DKC1: variants seen among roughly 807,000 people sequenced by gnomAD.
DKC1 encodes the protein H/ACA ribonucleoprotein complex subunit DKC1.
A neutral mutation model predicts 46.7 loss-of-function variants in DKC1; 4 were observed. The observed-to-expected ratio is 0.09, with a 90% CI of 0.04 to 0.20. The LOEUF (loss-of-function observed/expected upper bound fraction) is 0.20, where lower values mean the gene tolerates loss of function less well. DKC1 is among the 10% of genes least tolerant of loss of function. DKC1 has a pLI of 1.00. For synonymous variants in DKC1, 141 were observed against 142.4 expected, an observed-to-expected ratio of 0.99 and a Z score of 0.07; for missense variants, 171 against 404.2, an observed-to-expected ratio of 0.42 and a Z score of 4.95.
Position 154,775,276 on chromosome X carries a change from G to A in DKC1, c.1338+3G>A. The A allele has an allele frequency of 1.7e-6, 2 of 1,208,360 alleles. No individual in the cohort carries two copies. The highest frequency in any genetic ancestry group is 1.1e-6 in the Non-Finnish European group (1 of 892,676). ...CCGAAGCAGCAAAAACTGCGAAGGT[G>A]AGTGGCATGCTGTCCTCAGTTTGGA... On this transcript the variant is annotated splice_donor_region_variant and intron_variant, in intron 13 of 14. Coordinates refer to ENST00000369550, the MANE Select transcript of DKC1 (RefSeq NM_001363.5).
rs927316548 is a variant in DKC1 at position 154,766,167 on chromosome X, G to A, written c.264-49G>A. ...AACTTTTCAGATTTGTTGTTTCACT[G>A]GAGCATTAAGAGTGGGTGATACATT... On this transcript the variant is annotated intron_variant, in intron 4 of 14. Coordinates refer to ENST00000369550, the MANE Select transcript of DKC1 (RefSeq NM_001363.5). 3.5e-6 allele frequency: 4 copies of A among 1,133,786 alleles called. No individual in the cohort carries two copies. The African/African-American group carries it at 7.2e-5, about 20-fold the overall frequency. The allele number at this position is 1,133,786 out of a possible 1,213,427, so 93.4% of individuals were successfully genotyped here.
intron 10 of DKC1, 126 bp downstream of exon 10, chrX:154,771,005 A>C: frequency 4.5e-6 from 3 of 662,286 alleles, no homozygotes; most frequent in Non-Finnish European, 7.1e-6. Context: ...ATCATGGAGA[A>C]TGGGGCATCC....
At chrX:154,769,851 C>T (rs782005391) in intron 9 of DKC1, among the ~76,000 whole-genome samples, 1 of 111,797 alleles carries the variant, frequency 8.9e-6, no homozygotes, top group South Asian at 3.7e-4. Context: ...GATGTCCTCT[C>T]CTTATCAAAC....
chrX:154,763,795 G>A (rs988011569), intron 1 of DKC1, among the ~76,000 whole-genome samples: 1 of 112,006 alleles, frequency 8.9e-6, no homozygotes, highest in African/African-American at 3.3e-5. Context: ...GCATGGTATT[G>A]TGCGGAATGC....
chrX:154,766,483 T>TTTC, intron 5 of DKC1, 83 bp downstream of exon 5: 1 of 945,566 alleles, frequency 1.1e-6, no homozygotes, highest in Non-Finnish European at 1.5e-6. Flanking sequence ...CTGGAAACTA[T>TTTC]TTCTTCATTA....
Position 154,764,887 on chromosome X carries a change from T to G in DKC1, c.17-12T>G. ...TGGGGAAAATTCCCAAATCCTGTGT[T>G]TGTTTTTTTAGTAATTATTTTGCCA... On this transcript the variant is annotated splice_polypyrimidine_tract_variant and intron_variant, in intron 1 of 14. Coordinates refer to ENST00000369550, the MANE Select transcript of DKC1 (RefSeq NM_001363.5). The G allele has an allele frequency of 8.4e-7, 1 of 1,186,839 alleles. No individual in the cohort carries two copies. The highest frequency in any genetic ancestry group is 1.1e-6 in the Non-Finnish European group (1 of 872,536).
At chrX:154,773,710 C>T (rs1357867380) in intron 11 of DKC1, among the ~76,000 whole-genome samples, 1 of 112,197 alleles carries the variant, frequency 8.9e-6, no homozygotes, top group African/African-American at 3.3e-5. Context: ...TCTCTCCACA[C>T]AGACACGGCA....
At chrX:154,774,125 A>G (rs2071864804) in intron 11 of DKC1, among the ~76,000 whole-genome samples, 2 of 112,252 alleles carry the variant, frequency 1.8e-5, no homozygotes, top group Admixed American at 1.9e-4. Flanking sequence ...GAGGGGAAAC[A>G]GTTGGGCATT....
At chrX:154,766,040 T>C in intron 4 of DKC1, 42 bp downstream of exon 4, 1 of 1,098,635 alleles carries the variant, frequency 9.1e-7, no homozygotes, top group Non-Finnish European at 1.3e-6. Flanking sequence ...TACTTTCTTT[T>C]GAAAATGCTT....
At position 154,768,993 on chromosome X, in the gene DKC1, C is replaced by CAAA. The variant is rs1158256142; in HGVS notation, c.772-150_772-148dup. On this transcript the variant is annotated intron_variant, in intron 8 of 14. Coordinates refer to ENST00000369550, the MANE Select transcript of DKC1 (RefSeq NM_001363.5). Reference sequence around the variant, plus strand: ...TGGGCGACAGAGCGAGACTCCGTCTCAAAAAAAAAAAAAAAAAAAAAAAAA... The same window carrying CAAA: ...TGGGCGACAGAGCGAGACTCCGTCTCAAAAAAAAAAAAAAAAAAAAAAAAAAAA... Among the ~76,000 whole-genome samples the CAAA allele has an allele frequency of 6.7e-4, 11 of 16,317 alleles. 1 individual carries two copies. The highest frequency in any genetic ancestry group is 8.6e-4 in the Non-Finnish European group (6 of 7,002). 14.2% of individuals were successfully genotyped at this position (16,317 alleles called of 115,157 possible).
Position 154,768,345 on chromosome X carries a change from A to G in DKC1, c.684A>G (p.Thr228=), listed in dbSNP as rs782163841. ...VSCEAGTYIR[T]LCVHLGLLLG... ...GTGAGGCTGGCACCTACATTCGGAC[A>G]TTATGTGTGCACCTTGGTTTGTTAT... Residue 228 remains threonine, a synonymous_variant, in exon 8 of 15, where the codon ACA becomes ACG. Coordinates refer to ENST00000369550, the MANE Select transcript of DKC1 (RefSeq NM_001363.5). 2 of 1,211,240 alleles carry G rather than the reference A, an allele frequency of 1.7e-6. No individual in the cohort carries two copies. Among genetic ancestry groups the G allele is most frequent in the South Asian group, 1.8e-5 (1 of 56,929 alleles).
intron 10 of DKC1, among the ~76,000 whole-genome samples, chrX:154,771,943 T>C (rs191496528): frequency 4.3e-4 from 48 of 112,178 alleles, no homozygotes; most frequent in African/African-American, 1.6e-3. Context: ...CTGTTCTTCA[T>C]AGTGGTTATA....
At chrX:154,766,444 T>C (rs782734439) in intron 5 of DKC1, 44 bp downstream of exon 5, 1 of 1,092,880 alleles carries the variant, frequency 9.2e-7, no homozygotes. Flanking sequence ...GTGAAAAGCT[T>C]TCTGTATTTC....
intron 2 of DKC1, 154 bp from the exon 3 acceptor site, chrX:154,765,290 G>A: frequency 1.8e-6 from 1 of 570,626 alleles, no homozygotes; most frequent in Non-Finnish European, 3.1e-6. Context: ...TGTACTCCTG[G>A]TTCATTTCTT....
chrX:154,775,198 G>A lies in DKC1; in HGVS notation c.1263G>A (p.Glu421=). The A allele has an allele frequency of 8.3e-7, 1 of 1,211,505 alleles. No homozygotes were observed. Among genetic ancestry groups the A allele is most frequent in the South Asian group, 1.8e-5 (1 of 57,041 alleles). ...CCTATTGCTACCTCTTTTTCAGTGAGTCTGCCAAAAAAGAGGTGGTTGCTG... is the reference window on the plus strand; with the variant it reads ...CCTATTGCTACCTCTTTTTCAGTGAATCTGCCAAAAAAGAGGTGGTTGCTG... The part of the protein sequence containing the change: ...TWKQEYVDYS[E]SAKKEVVAEV... The change falls in exon 13 of 15, where the codon GAG becomes GAA. Residue 421 remains glutamate, a synonymous_variant. Coordinates refer to ENST00000369550, the MANE Select transcript of DKC1 (RefSeq NM_001363.5).
Position 154,770,821 on chromosome X carries a change from C to T in DKC1, c.978C>T (p.Gly326=), listed in dbSNP as rs145325102. The change falls in exon 10 of 15, where the codon GGC becomes GGT. Residue 326 remains glycine, a synonymous_variant. Transcript: ENST00000369550. ...CAGGTGTTCTTCGATATGAGGACGG[C>T]ATTGAGGTCAATCAGGAGATTGTGG... The part of the protein sequence containing the change: ...MLPGVLRYED[G]IEVNQEIVVI... 26 of 1,209,232 alleles carry T rather than the reference C, an allele frequency of 2.2e-5. No individual in the cohort carries two copies. The African/African-American group carries it at 4.2e-4, about 20-fold the overall frequency.
intron 1 of DKC1, 36 bp downstream of exon 1, chrX:154,763,017 G>A (rs782626650): frequency 1.9e-5 from 22 of 1,162,663 alleles, no homozygotes; most frequent in Non-Finnish European, 2.5e-5. Context: ...TGCTAACTCC[G>A]GGCGACTCGG....
In DKC1 at chrX:154,770,824, T is replaced by G. The variant is rs2071814403; in HGVS notation, c.981T>G (p.Ile327Met). 8.3e-7 allele frequency: 1 copy of G among 1,211,294 alleles called. No homozygotes were observed. Among genetic ancestry groups the G allele is most frequent in the African/African-American group, 1.7e-5 (1 of 57,779 alleles). ...GTGTTCTTCGATATGAGGACGGCAT[T>G]GAGGTCAATCAGGAGATTGTGGTTA... ...LPGVLRYEDG[I>M]EVNQEIVVIT... Residue 327 changes from isoleucine (I) to methionine (M), a missense_variant, in exon 10 of 15, where the codon ATT (isoleucine) becomes ATG (methionine). This residue lies in a region of DKC1 where 60 missense variants were observed against 206.5 expected (regional missense o/e 0.29). Transcript: ENST00000369550.
intron 10 of DKC1, among the ~76,000 whole-genome samples, chrX:154,771,450 T>C (rs2071825198): frequency 9.2e-6 from 1 of 108,649 alleles, no homozygotes; most frequent in African/African-American, 3.4e-5. Context: ...CCCAAAGTGC[T>C]GGGATTACAG....
Sources: gnomAD v4.1 joint callset for allele counts (sites outside exome capture counted in the v4.1 genomes callset) on GRCh38, gnomAD v4.1.1 for gene constraint, gnomAD v4.1.1 regional missense constraint, MANE v1.5 for transcripts, NCBI Gene and HGNC (gene_info 2026-07-23, HGNC 2026-07-21) for gene names.